PTP4A2: variants seen among roughly 807,000 people sequenced by gnomAD.
PTP4A2 encodes the protein protein tyrosine phosphatase type IVA 2.
PTP4A2 carries 2 observed loss-of-function variants against 22.9 expected under a neutral mutation model. The ratio of observed to expected loss-of-function variants is 0.09; its 90% CI spans 0.04 to 0.27. PTP4A2 has a LOEUF of 0.27. PTP4A2 is among the 10% of genes least tolerant of loss of function. The probability of loss-of-function intolerance (pLI) is 1.00; values close to 1 mark genes in which losing one functional copy is unlikely to be tolerated. For missense variants in PTP4A2, 103 were observed against 205.1 expected (o/e 0.50, Z 3.04); for synonymous variants, 68 against 69.1 (o/e 0.98, Z 0.08).
At chr1:31,933,040 C>A in intron 1 of PTP4A2, 1 of 151,626 alleles carries the variant, frequency 6.6e-6, no homozygotes, top group South Asian at 2.1e-4. Context: ...CTCCCTCTGT[C>A]TCCCAGGCTA....
intron 1 of PTP4A2, among the ~76,000 whole-genome samples, chr1:31,931,605 A>G (rs1652731363): frequency 6.6e-6 from 1 of 152,246 alleles, no homozygotes; most frequent in African/African-American, 2.4e-5. Context: ...GAGTTTAACT[A>G]AATTCTACCT....
At chr1:31,918,061 A>C (rs1651947195) in intron 2 of PTP4A2, among the ~76,000 whole-genome samples, 1 of 152,040 alleles carries the variant, frequency 6.6e-6, no homozygotes, top group Non-Finnish European at 1.5e-5. Flanking sequence ...CATCCTGGCT[A>C]ACATGGTGAA....
At chr1:31,926,176 C>A (rs1306082958) in intron 1 of PTP4A2, among the ~76,000 whole-genome samples, 1 of 147,472 alleles carries the variant, frequency 6.8e-6, no homozygotes, top group African/African-American at 2.5e-5. Context: ...ATATTTATCT[C>A]TCCTATCAAT....
At chr1:31,916,009 T>C in intron 2 of PTP4A2, 22 bp from the exon 3 acceptor site, 4 of 1,398,058 alleles carry the variant, frequency 2.9e-6, no homozygotes, top group East Asian at 2.4e-5. Flanking sequence ...AAAAAAATTA[T>C]AATGGAACTT....
chr1:31,913,337 A>C (rs1358798931), intron 3 of PTP4A2, among the ~76,000 whole-genome samples: 2 of 152,222 alleles, frequency 1.3e-5, no homozygotes, highest in Non-Finnish European at 2.9e-5. Context: ...TTTCAAGTGT[A>C]AGTTAAACCT....
intron 3 of PTP4A2, 133 bp from the exon 4 acceptor site, chr1:31,911,959 C>T (rs1217755412): frequency 4.1e-6 from 2 of 489,954 alleles, no homozygotes; most frequent in South Asian, 6.5e-5. Flanking sequence ...ATTGTTAACA[C>T]AATTCTGATC....
chr1:31,917,139 C>T (rs373715755), intron 2 of PTP4A2, among the ~76,000 whole-genome samples: 2 of 152,174 alleles, frequency 1.3e-5, no homozygotes, highest in African/African-American at 4.8e-5. Context: ...CTTCTGGAGA[C>T]TATGGCCAAG....
chr1:31,924,467 G>A (rs898423228), intron 1 of PTP4A2, among the ~76,000 whole-genome samples: 54 of 152,166 alleles, frequency 3.5e-4, no homozygotes, highest in African/African-American at 1.2e-3. Context: ...ACTTAGGAAT[G>A]CAAAGCAAAC....
intron 1 of PTP4A2, among the ~76,000 whole-genome samples, chr1:31,931,572 C>T (rs1652729769): frequency 6.6e-6 from 1 of 152,200 alleles, no homozygotes; most frequent in African/African-American, 2.4e-5. Flanking sequence ...TTTCAACTTA[C>T]TAAATCATAG....
intron 1 of PTP4A2, chr1:31,933,861 T>A (rs1652830286): frequency 6.6e-6 from 1 of 152,232 alleles, no homozygotes; most frequent in Non-Finnish European, 1.5e-5. Flanking sequence ...AAGAAAGGAA[T>A]GTGGAAACCT....
chr1:31,928,752 T>C (rs1171782818), intron 1 of PTP4A2, among the ~76,000 whole-genome samples: 4 of 151,994 alleles, frequency 2.6e-5, no homozygotes, highest in Admixed American at 6.6e-5. Context: ...TATTCCCACT[T>C]TTCCACTTCC....
intron 1 of PTP4A2, among the ~76,000 whole-genome samples, chr1:31,930,218 G>A (rs1006740764): frequency 1.3e-5 from 2 of 150,746 alleles, no homozygotes; most frequent in Non-Finnish European, 2.9e-5. Context: ...GGCGCCTGTA[G>A]TTCCAGCTAC....
intron 2 of PTP4A2, among the ~76,000 whole-genome samples, chr1:31,917,947 CAAAAAA>C (rs56791050): frequency 1.2e-5 from 1 of 81,410 alleles, no homozygotes; most frequent in African/African-American, 4.7e-5. Flanking sequence ...CACTCCGTCT[CAAAAAA>C]AAAAAAAAAA....
chr1:31,914,169 T>C (rs745872893), intron 3 of PTP4A2: 1 of 418,428 alleles, frequency 2.4e-6, no homozygotes, highest in South Asian at 1.8e-5. Flanking sequence ...CGGGTTCAGG[T>C]GATCCTCCCA....
At chr1:31,918,606 G>A (rs1219260514) in intron 2 of PTP4A2, among the ~76,000 whole-genome samples, 1 of 152,108 alleles carries the variant, frequency 6.6e-6, no homozygotes, top group Non-Finnish European at 1.5e-5. Flanking sequence ...CACCTCATAG[G>A]GTTTTTGTAT....
At chr1:31,931,144 T>C (rs187652405) in intron 1 of PTP4A2, 4 of 152,344 alleles carry the variant, frequency 2.6e-5, no homozygotes, top group Middle Eastern at 3.4e-3. Flanking sequence ...ATCAAGCTCC[T>C]AGAAGAATCA....
Position 31,923,246 on chromosome 1 carries a change from G to A in PTP4A2, c.-593-3588C>T, listed in dbSNP as rs376106835. 2.2e-3 allele frequency among the ~76,000 whole-genome samples: 332 copies of A among 150,152 alleles called. 1 individual carries two copies. The South Asian group carries it at 0.024, about 11-fold the overall frequency. ...TTCAGAGACAGGGTCTTGCTCTATC[G>A]CCCAGGCTGGAATGCAGTGGTGCAA... On this transcript the variant is annotated intron_variant, in intron 1 of 5. Coordinates refer to ENST00000647444, the MANE Select transcript of PTP4A2 (RefSeq NM_080391.4).
chr1:31,920,126 CAAAAAAAAAA>C lies in PTP4A2; in HGVS notation c.-593-478_-593-469del, dbSNP rs772173962. Among the ~76,000 whole-genome samples, 6 of 43,182 alleles carry C rather than the reference CAAAAAAAAAA, an allele frequency of 1.4e-4. 1 individual carries two copies. In the East Asian group the frequency reaches 2.7e-3, roughly 20 times the overall value. The allele number at this position is 43,182 out of a possible 152,430, so 28.3% of individuals were successfully genotyped here. ...GGGCAACAAGAGCAAAACTCTGCCT[CAAAAAAAAAA>C]AAAAAAAAAAAAAATCAGAGACTTG... On this transcript the variant is annotated intron_variant, in intron 1 of 5. Coordinates refer to ENST00000647444, the MANE Select transcript of PTP4A2 (RefSeq NM_080391.4).
At position 31,938,183 on chromosome 1, in the gene PTP4A2, T is replaced by TTGC. The variant is rs1422764918; in HGVS notation, c.-793_-791dup. 2.6e-5 allele frequency: 4 copies of TTGC among 151,210 alleles called. No homozygotes were observed. Among genetic ancestry groups the TTGC allele is most frequent in the African/African-American group, 4.9e-5 (2 of 40,838 alleles). The allele number at this position is 151,210 out of a possible 1,614,324, so 9.4% of individuals were successfully genotyped here. On this transcript the variant is annotated 5_prime_UTR_variant, in exon 1 of 6. Coordinates refer to ENST00000647444, the MANE Select transcript of PTP4A2 (RefSeq NM_080391.4). The surrounding 1 kb of genome is among the most constrained non-coding windows in gnomAD (Gnocchi z 4.4). ...GGCGGCGCGTCTCCACGAGTCCGTC[T>TTGC]TGCTGCTGCTGCTGCGGCCGCCGCT...
Sources: allele counts gnomAD v4.1 joint callset (sites outside exome capture counted in the v4.1 genomes callset), GRCh38; gene constraint gnomAD v4.1.1; non-coding constraint Gnocchi (gnomAD v3.1); transcripts MANE v1.5; gene names NCBI Gene and HGNC (gene_info 2026-07-23, HGNC 2026-07-21).